Variants in ZNF717 observed in about 807,000 individuals in gnomAD.
ZNF717 encodes zinc finger protein 717, also known as krueppel-like factor X17.
Under a neutral mutation model 13.8 loss-of-function variants are expected in ZNF717, and 9 were observed. That is an observed-to-expected ratio of 0.65 (90% CI 0.39 to 1.14). The LOEUF is 1.14. ZNF717 is among the 50% of genes most tolerant of loss of function. The pLI is 0.01. For synonymous variants in ZNF717, 327 were observed against 364.1 expected (o/e 0.90, Z 1.16); for missense variants, 1,040 against 1,080.7 (o/e 0.96, Z 0.53).
At chr3:75,746,891 G>C (rs1342176202) in intron 2 of ZNF717, among the ~76,000 whole-genome samples, 2 of 152,094 alleles carry the variant, frequency 1.3e-5, no homozygotes, top group Non-Finnish European at 2.9e-5. Flanking sequence ...GTCAATTTTG[G>C]CTTTTGTTGC....
At chr3:75,713,848 G>A (rs1837270) in intron 5 of ZNF717, among the ~76,000 whole-genome samples, 49,319 of 151,836 alleles carry the variant, frequency 0.32, 9,240 homozygotes, top group Non-Finnish European at 0.43. Flanking sequence ...CGCTTTTATT[G>A]GATACAAGAC....
intron 2 of ZNF717, among the ~76,000 whole-genome samples, chr3:75,759,960 G>A (rs1460373994): frequency 2.6e-5 from 4 of 152,350 alleles, no homozygotes; most frequent in Non-Finnish European, 5.9e-5. Flanking sequence ...ATGTCAGGTT[G>A]CTGTGTCAAT....
chr3:75,781,165 A>C (rs1348602070), intron 2 of ZNF717, among the ~76,000 whole-genome samples: 4 of 152,284 alleles, frequency 2.6e-5, no homozygotes, highest in African/African-American at 9.6e-5. Context: ...TAATAGGTAG[A>C]CAAGAATGAA....
intron 5 of ZNF717, among the ~76,000 whole-genome samples, chr3:75,714,536 C>T (rs1938008843): frequency 6.6e-6 from 1 of 151,754 alleles, no homozygotes; most frequent in South Asian, 2.1e-4. Flanking sequence ...TGATCTATAT[C>T]TAGTATAGCT....
intron 2 of ZNF717, among the ~76,000 whole-genome samples, chr3:75,766,106 T>TA (rs1219205784): frequency 4.0e-5 from 6 of 151,358 alleles, no homozygotes; most frequent in South Asian, 2.1e-4. Flanking sequence ...GACCCTGTCT[T>TA]AAAAAAAAAT....
chr3:75,777,198 G>A (rs891062256), intron 2 of ZNF717, among the ~76,000 whole-genome samples: 274 of 48,632 alleles, frequency 5.6e-3, no homozygotes, highest in African/African-American at 0.031. Flanking sequence ...ATGCTAAACC[G>A]GAAACCCAAA....
At chr3:75,725,052 T>C (rs1938250195), downstream of ZNF717, among the ~76,000 whole-genome samples, 1 of 152,094 alleles carries the variant, frequency 6.6e-6, no homozygotes, top group Non-Finnish European at 1.5e-5. Context: ...CATGTTCCCA[T>C]CAGCCTGCAC....
At position 75,737,393 on chromosome 3, in the gene ZNF717, C is replaced by T. The variant is rs1239512309; in HGVS notation, c.2230G>A (p.Val744Ile). ...TGGGTTCTATGATGTACAGTGAGGA[C>T]TGACTTCTGACAAGGTTTTTCCACA... ...ANVEKPCQKS[V>I]LTVHHRTHTG... The change falls in exon 5 of 5, where the codon GTC becomes ATC. Residue 744 changes from valine (V) to isoleucine (I), a missense_variant. By Grantham distance (29) the Val-to-Ile change is conservative (BLOSUM62 3). Around this residue, in one of 3 missense-constraint regions of ZNF717, gnomAD observed 873 missense variants for 832.8 expected, o/e 1.05. Coordinates refer to ENST00000652011, the MANE Select transcript of ZNF717 (RefSeq NM_001290208.3). 5 of 1,553,098 alleles carry T rather than the reference C, an allele frequency of 3.2e-6. No individual in the cohort carries two copies. The Admixed American group carries it at 7.8e-5, about 24-fold the overall frequency.
intron 2 of ZNF717, among the ~76,000 whole-genome samples, chr3:75,772,124 C>A (rs77406334): frequency 1.3e-5 from 2 of 148,580 alleles, no homozygotes; most frequent in Admixed American, 1.3e-4. Flanking sequence ...ACTGTGGGCA[C>A]AGCTACCCAC....
At chr3:75,704,304 T>G (rs1937756625) in intron 6 of ZNF717, among the ~76,000 whole-genome samples, 1 of 152,312 alleles carries the variant, frequency 6.6e-6, no homozygotes, top group South Asian at 2.1e-4. Flanking sequence ...GAATCCTACT[T>G]TTTGGTCTGT....
In ZNF717 at chr3:75,780,880, C is replaced by A. The variant is rs1382229126; in HGVS notation, c.57+2426G>T. Among the ~76,000 whole-genome samples the A allele has an allele frequency of 2.0e-5, 3 of 152,258 alleles. No individual in the cohort carries two copies. The East Asian group carries it at 5.8e-4, about 29-fold the overall frequency. ...AGAACAAACCAGGTTTTGTTTTTCT[C>A]CTGTAAACAGGACGTTCCAGCATAA... On this transcript the variant is annotated intron_variant, in intron 2 of 4. Transcript: ENST00000652011.
chr3:75,699,283 T>A (rs1277454738), intron 6 of ZNF717, among the ~76,000 whole-genome samples: 1 of 152,290 alleles, frequency 6.6e-6, no homozygotes, highest in African/African-American at 2.4e-5. Context: ...ACTTTGGGGA[T>A]TATTGGAAAG....
chr3:75,768,272 C>A (rs1943634711), intron 2 of ZNF717, among the ~76,000 whole-genome samples: 1 of 151,282 alleles, frequency 6.6e-6, no homozygotes, highest in Non-Finnish European at 1.5e-5. Flanking sequence ...GCCACCACAA[C>A]CTGATTCAGT....
chr3:75,737,119 GTTC>G lies in ZNF717; in HGVS notation c.2501_2503del (p.Arg834del). 1 of 1,570,712 alleles carries G rather than the reference GTTC, an allele frequency of 6.4e-7. No homozygotes were observed. Among genetic ancestry groups the G allele is most frequent in the Non-Finnish European group, 8.6e-7 (1 of 1,158,112 alleles). ...TCTAAAGGGTTTTTCCCCTGTGTGA[GTTC>G]TGTGATGTACAAAGAGTTTTGACTT... On this transcript the variant is annotated inframe_deletion, in exon 5 of 5. Coordinates refer to ENST00000652011, the MANE Select transcript of ZNF717 (RefSeq NM_001290208.3).
chr3:75,733,132 G>C (rs1938731594), downstream of ZNF717, among the ~76,000 whole-genome samples: 1 of 152,144 alleles, frequency 6.6e-6, no homozygotes, highest in Non-Finnish European at 1.5e-5. Context: ...CACAACAAAG[G>C]AAAGAGTCTC....
chr3:75,768,364 G>T (rs1326818573), intron 2 of ZNF717, among the ~76,000 whole-genome samples: 1 of 118,648 alleles, frequency 8.4e-6, no homozygotes, highest in Non-Finnish European at 1.9e-5. Context: ...TGAGTGTGGG[G>T]GGGGGGGGTA....
At chr3:75,733,869 G>A (rs111928809), downstream of ZNF717, among the ~76,000 whole-genome samples, 44 of 117,936 alleles carry the variant, frequency 3.7e-4, no homozygotes, top group African/African-American at 1.1e-3. Context: ...ATGCTGAGAG[G>A]AAAAAAAAAA....
downstream of ZNF717, among the ~76,000 whole-genome samples, chr3:75,706,939 C>T (rs77040802): frequency 6.6e-6 from 1 of 152,300 alleles, no homozygotes; most frequent in Non-Finnish European, 1.5e-5. Flanking sequence ...CTTTTTAGTA[C>T]TGTCTGAATG....
chr3:75,735,394 G>A (rs1939038304), downstream of ZNF717, among the ~76,000 whole-genome samples: 1 of 152,036 alleles, frequency 6.6e-6, no homozygotes, highest in Admixed American at 6.6e-5. Flanking sequence ...CTCTTGCCAA[G>A]GTAGAAAGAT....
Sources: gnomAD v4.1 joint callset for allele counts (sites outside exome capture counted in the v4.1 genomes callset) on GRCh38, gnomAD v4.1.1 for gene constraint, gnomAD v4.1.1 regional missense constraint, MANE v1.5 for transcripts, NCBI Gene and HGNC (gene_info 2026-07-23, HGNC 2026-07-21) for gene names.